CLIC5: variants seen among roughly 807,000 people sequenced by gnomAD.
CLIC5 encodes chloride intracellular channel protein 5.
CLIC5 carries 20 observed loss-of-function variants against 24.7 expected under a neutral mutation model. That is an observed-to-expected ratio of 0.81 (90% CI 0.57 to 1.18). The LOEUF (loss-of-function observed/expected upper bound fraction) is 1.18, where lower values mean the gene tolerates loss of function less well. Among genes scored for constraint, CLIC5 ranks in the 50% most tolerant of loss-of-function variants. The pLI is 0.00. For missense variants in CLIC5, 341 were observed against 326.1 expected (o/e 1.05, Z -0.35); for synonymous variants, 159 against 135.6 (o/e 1.17, Z -1.20).
At chr6:45,889,291 T>C (rs1259414204) in intron 6 of CLIC5, among the ~76,000 whole-genome samples, 1 of 152,184 alleles carries the variant, frequency 6.6e-6, no homozygotes, top group African/African-American at 2.4e-5. Context: ...AGAATACTTC[T>C]TTCATGTCTT....
Position 46,015,624 on chromosome 6 carries a change from C to A in CLIC5, c.-82G>T. 4 of 1,404,590 alleles carry A rather than the reference C, an allele frequency of 2.8e-6. No individual in the cohort carries two copies. The highest frequency in any genetic ancestry group is 1.8e-4 in the Middle Eastern group (1 of 5,408). The allele number at this position is 1,404,590 out of a possible 1,614,324, so 87.0% of individuals were successfully genotyped here. ...CTGGGCCAGCACTCTGCGCTCCTGC[C>A]GCTGCCCAGCGGGGCTCCTCTTCAG... On this transcript the variant is annotated 5_prime_UTR_variant, in exon 1 of 6. Transcript: ENST00000339561.
the CLIC5 span, among the ~76,000 whole-genome samples, chr6:46,108,037 A>AAG: frequency 1.3e-5 from 2 of 149,838 alleles, no homozygotes; most frequent in African/African-American, 4.9e-5. Context: ...TCCATCAAAA[A>AAG]AAAAAAAAAA....
At chr6:45,903,337 T>C (rs764817817) in intron 5 of CLIC5, 82 bp from the exon 6 acceptor site, 129 of 1,338,256 alleles carry the variant, frequency 9.6e-5, no homozygotes, top group Non-Finnish European at 1.2e-4. Context: ...TCCCAGTGTG[T>C]GTGCACTGCA....
intron 4 of CLIC5, chr6:45,937,463 G>A (rs1223226825): frequency 1.3e-5 from 2 of 152,208 alleles, no homozygotes; most frequent in Non-Finnish European, 2.9e-5. Flanking sequence ...AGAGCCAGAG[G>A]CTCAGAAAGA....
At chr6:46,117,591 T>C in the CLIC5 span, among the ~76,000 whole-genome samples, 11 of 152,372 alleles carry the variant, frequency 7.2e-5, no homozygotes, top group East Asian at 2.1e-3. Flanking sequence ...TTAATCACAC[T>C]ATTAGGAAGA....
At chr6:46,029,299 C>A (rs1351003874) in intron 1 of CLIC5, among the ~76,000 whole-genome samples, 1 of 152,198 alleles carries the variant, frequency 6.6e-6, no homozygotes, top group African/African-American at 2.4e-5. Context: ...AGGCTCTCAG[C>A]CAGGCATCTT....
intron 3 of CLIC5, 81 bp downstream of exon 3, chr6:45,949,175 G>A: frequency 6.6e-6 from 10 of 1,505,788 alleles, no homozygotes; most frequent in Non-Finnish European, 8.9e-6. Flanking sequence ...AAATGCATCT[G>A]CCCGAAGTTA....
upstream of CLIC5, among the ~76,000 whole-genome samples, chr6:46,083,514 G>A (rs1762966367): frequency 6.6e-6 from 1 of 152,064 alleles, no homozygotes; most frequent in African/African-American, 2.4e-5. Context: ...CTTTATTTCT[G>A]CCTTCATTTC....
At chr6:46,079,565 G>A (rs1385679148) in intron 1 of CLIC5, 1 of 704,332 alleles carries the variant, frequency 1.4e-6, no homozygotes, top group Non-Finnish European at 2.3e-6. Context: ...GACTGATTTA[G>A]TCCCTCCGAC....
chr6:45,980,136 G>A lies in CLIC5; in HGVS notation c.64-24892C>T, dbSNP rs182556546. On this transcript the variant is annotated intron_variant, in intron 1 of 5. Transcript: ENST00000339561. ...TGCATATGGCCAGCCTGTTATCCCA[G>A]CACTGTTTATTGAACAGGGAGTCCT... is the stretch of plus-strand genomic sequence containing the variant. Among the ~76,000 whole-genome samples, 37 of 152,096 alleles carry A rather than the reference G, an allele frequency of 2.4e-4. No homozygotes were observed. In the East Asian group the frequency reaches 6.4e-3, roughly 26 times the overall value.
At chr6:46,020,019 C>CA (rs1767132357), upstream of CLIC5, among the ~76,000 whole-genome samples, 2 of 152,028 alleles carry the variant, frequency 1.3e-5, no homozygotes, top group Admixed American at 6.5e-5. Context: ...CACAAGTAGA[C>CA]AAAAAATCCA....
intron 3 of CLIC5, among the ~76,000 whole-genome samples, chr6:45,944,616 A>G (rs1325346093): frequency 6.6e-6 from 1 of 151,874 alleles, no homozygotes; most frequent in Non-Finnish European, 1.5e-5. Context: ...AGAGAAAACC[A>G]TTGCAGATGG....
At chr6:45,887,083 A>G (rs562315444) in intron 6 of CLIC5, among the ~76,000 whole-genome samples, 2 of 152,282 alleles carry the variant, frequency 1.3e-5, no homozygotes, top group East Asian at 3.9e-4. Context: ...ATGACATTCC[A>G]TTTTGTCTGG....
intron 1 of CLIC5, among the ~76,000 whole-genome samples, chr6:45,989,749 T>C (rs1455480358): frequency 1.3e-5 from 2 of 152,078 alleles, no homozygotes; most frequent in Admixed American, 6.6e-5. Flanking sequence ...ATGGGCAGAG[T>C]TGCAGGGAAA....
intron 1 of CLIC5, among the ~76,000 whole-genome samples, chr6:45,963,283 C>T (rs1764910307): frequency 6.6e-6 from 1 of 152,102 alleles, no homozygotes; most frequent in Non-Finnish European, 1.5e-5. Context: ...CCTCCCTTGC[C>T]ACTTGGTGCC....
chr6:46,052,073 T>C (rs903458217), intron 1 of CLIC5, among the ~76,000 whole-genome samples: 1 of 151,952 alleles, frequency 6.6e-6, no homozygotes, highest in African/African-American at 2.4e-5. Flanking sequence ...TAAATTAGTC[T>C]AGTATTTTCC....
chr6:45,937,070 A>G (rs908469000), intron 4 of CLIC5, among the ~76,000 whole-genome samples: 1 of 152,138 alleles, frequency 6.6e-6, no homozygotes, highest in African/African-American at 2.4e-5. Flanking sequence ...ACAAAAAAAA[A>G]TGCAAGGCTG....
the CLIC5 span, among the ~76,000 whole-genome samples, chr6:46,112,929 C>T: frequency 1.3e-5 from 2 of 152,224 alleles, no homozygotes; most frequent in East Asian, 3.9e-4. Flanking sequence ...TGGTGGCAGG[C>T]ACCTGTAGTC....
chr6:45,903,004 G>A lies in CLIC5; in HGVS notation c.*84C>T. ...ATTATAAAAAGTGCGCCTCAAGGCA[G>A]TGATACAGAGGAGTCTATGAAGCTG... On this transcript the variant is annotated 3_prime_UTR_variant, in exon 6 of 6. Coordinates refer to ENST00000339561, the MANE Select transcript of CLIC5 (RefSeq NM_016929.5). 1.4e-6 allele frequency: 2 copies of A among 1,462,266 alleles called. No homozygotes were observed. The highest frequency in any genetic ancestry group is 1.2e-5 in the South Asian group (1 of 83,200). The allele number at this position is 1,462,266 out of a possible 1,614,324, so 90.6% of individuals were successfully genotyped here. A position where few individuals can be genotyped will look rare whatever the true frequency, so the allele number is the denominator to read the frequency against.
Sources: gnomAD v4.1 joint callset for allele counts (sites outside exome capture counted in the v4.1 genomes callset) on GRCh38, gnomAD v4.1.1 for gene constraint, MANE v1.5 for transcripts, NCBI Gene and HGNC (gene_info 2026-07-23, HGNC 2026-07-21) for gene names.